The following NFIA variants were observed in gnomAD, a reference collection of about 807,000 sequenced individuals.
NFIA encodes the protein nuclear factor 1 A-type.
NFIA carries 8 observed loss-of-function variants against 62.8 expected under a neutral mutation model. The ratio of observed to expected loss-of-function variants is 0.13; its 90% CI spans 0.07 to 0.23. The LOEUF is 0.23. Ranked by LOEUF, NFIA falls within the 10% of genes least tolerant of loss-of-function variation. The probability of loss-of-function intolerance (pLI) is 1.00; values close to 1 mark genes in which losing one functional copy is unlikely to be tolerated. For synonymous variants in NFIA, 235 were observed against 238.1 expected (o/e 0.99, Z 0.12); for missense variants, 410 against 642.1 (o/e 0.64, Z 3.91).
At chr1:61,277,132 T>C (rs1373877201) in intron 2 of NFIA, among the ~76,000 whole-genome samples, 2 of 152,216 alleles carry the variant, frequency 1.3e-5, no homozygotes, top group South Asian at 4.1e-4. Context: ...TTTGACACTT[T>C]ATTATGTTCT....
intron 2 of NFIA, among the ~76,000 whole-genome samples, chr1:61,247,206 G>C (rs1431520598): frequency 6.6e-6 from 1 of 152,158 alleles, no homozygotes; most frequent in African/African-American, 2.4e-5. Flanking sequence ...ATCACAAAAA[G>C]AGTGTCAAGA....
intron 2 of NFIA, among the ~76,000 whole-genome samples, chr1:61,122,245 G>C (rs1173067345): frequency 1.3e-5 from 2 of 152,066 alleles, no homozygotes; most frequent in Non-Finnish European, 2.9e-5. Flanking sequence ...ATGCCTTTTA[G>C]TCTACTAATA....
At chr1:61,317,533 G>A (rs1421281394) in intron 3 of NFIA, among the ~76,000 whole-genome samples, 1 of 151,910 alleles carries the variant, frequency 6.6e-6, no homozygotes, top group East Asian at 1.9e-4. Context: ...TAGAGACTAA[G>A]TACTGTTATT....
chr1:61,440,542 A>G (rs1448210147), intron 10 of NFIA, among the ~76,000 whole-genome samples: 3 of 152,226 alleles, frequency 2.0e-5, no homozygotes, highest in African/African-American at 7.2e-5. Context: ...AGTGAGTGGC[A>G]CTACAGACCT....
chr1:61,397,391 A>G (rs1030446610), intron 7 of NFIA, among the ~76,000 whole-genome samples: 16 of 152,188 alleles, frequency 1.1e-4, no homozygotes, highest in African/African-American at 3.6e-4. Flanking sequence ...TATTTTATCA[A>G]TATTTATGTA....
intron 2 of NFIA, among the ~76,000 whole-genome samples, chr1:61,112,296 A>T (rs1278939914): frequency 1.3e-5 from 2 of 152,146 alleles, no homozygotes; most frequent in Non-Finnish European, 2.9e-5. Context: ...TTGAACACAC[A>T]CAACACTTTG....
At chr1:61,115,518 T>C (rs965931390) in intron 2 of NFIA, among the ~76,000 whole-genome samples, 1 of 152,200 alleles carries the variant, frequency 6.6e-6, no homozygotes, top group African/African-American at 2.4e-5. Flanking sequence ...GTGAAGGAGA[T>C]GACCTAAAGC....
At chr1:61,137,556 TA>T (rs1174593959) in intron 2 of NFIA, among the ~76,000 whole-genome samples, 9 of 152,222 alleles carry the variant, frequency 5.9e-5, no homozygotes, top group Non-Finnish European at 1.0e-4. Flanking sequence ...TATTTTGTGT[TA>T]TTTTTTTAAC....
chr1:61,425,870 A>G (rs528639848), intron 9 of NFIA, among the ~76,000 whole-genome samples: 2 of 152,342 alleles, frequency 1.3e-5, no homozygotes, highest in South Asian at 4.2e-4. Flanking sequence ...GTTAATATGA[A>G]AAGCATATTT....
chr1:61,358,880 C>G (rs1663128162), intron 5 of NFIA, among the ~76,000 whole-genome samples: 1 of 152,162 alleles, frequency 6.6e-6, no homozygotes, highest in Non-Finnish European at 1.5e-5. Context: ...CCGCTTATTC[C>G]TCAAAGGAAA....
intron 2 of NFIA, among the ~76,000 whole-genome samples, chr1:61,202,070 C>T (rs756352511): frequency 1.3e-5 from 2 of 152,152 alleles, no homozygotes; most frequent in African/African-American, 2.4e-5. Context: ...CATAACATTG[C>T]AAACTCATCC....
chr1:61,352,784 C>T lies in NFIA; in HGVS notation c.818+217C>T, dbSNP rs1362296888. On this transcript the variant is annotated intron_variant, in intron 5 of 10. Transcript: ENST00000403491. Reference sequence around the variant, plus strand: ...ACACACACACACACACACACACACACGCACACACACTAAAAAACTGTGAAC... The same window carrying T: ...ACACACACACACACACACACACACATGCACACACACTAAAAAACTGTGAAC... Among the ~76,000 whole-genome samples the T allele has an allele frequency of 8.0e-5, 12 of 150,056 alleles. No homozygotes were observed. In the South Asian group the frequency reaches 8.4e-4, roughly 11 times the overall value.
chr1:61,229,034 C>CA (rs1356314159), intron 2 of NFIA, among the ~76,000 whole-genome samples: 4 of 149,974 alleles, frequency 2.7e-5, no homozygotes, highest in African/African-American at 4.9e-5. Context: ...ATATATTGCC[C>CA]AAAAAAATAC....
chr1:61,144,660 G>A (rs1460188820), intron 2 of NFIA, among the ~76,000 whole-genome samples: 4 of 152,130 alleles, frequency 2.6e-5, no homozygotes, highest in African/African-American at 9.7e-5. Flanking sequence ...ACAGTAATAG[G>A]ACCATACCTC....
rs193034841 is a variant in NFIA, at chr1:61,299,409, T to C, written c.625+21824T>C. Among the ~76,000 whole-genome samples the C allele has an allele frequency of 7.2e-5, 11 of 152,334 alleles. No homozygotes were observed. The East Asian group carries it at 1.2e-3, about 16-fold the overall frequency. Reference sequence around the variant, plus strand: ...ACTTATGTTTCCAAAATGAGGCCACTACCTCTTTAATTTTTCTTTTTAATT... The same window carrying C: ...ACTTATGTTTCCAAAATGAGGCCACCACCTCTTTAATTTTTCTTTTTAATT... On this transcript the variant is annotated intron_variant, in intron 3 of 10. Coordinates refer to ENST00000403491, the MANE Select transcript of NFIA (RefSeq NM_001134673.4).
intron 2 of NFIA, among the ~76,000 whole-genome samples, chr1:61,190,763 A>G (rs971878890): frequency 2.6e-5 from 4 of 152,242 alleles, no homozygotes; most frequent in African/African-American, 9.6e-5. Flanking sequence ...ACTCTAGACC[A>G]TATTTGGTTA....
intron 6 of NFIA, among the ~76,000 whole-genome samples, chr1:61,370,903 C>G (rs1663848592): frequency 6.6e-6 from 1 of 151,950 alleles, no homozygotes; most frequent in South Asian, 2.1e-4. Flanking sequence ...TGGAAGTGCA[C>G]TCACGTCATT....
intron 10 of NFIA, among the ~76,000 whole-genome samples, chr1:61,428,358 C>T (rs1666957500): frequency 6.6e-6 from 1 of 151,604 alleles, no homozygotes; most frequent in Non-Finnish European, 1.5e-5. Flanking sequence ...GTCATGTAGG[C>T]CCAGTATTGG....
intron 2 of NFIA, among the ~76,000 whole-genome samples, chr1:61,143,834 T>C (rs1484418296): frequency 6.6e-6 from 1 of 151,932 alleles, no homozygotes; most frequent in Non-Finnish European, 1.5e-5. Context: ...ACCACCGAGG[T>C]TGAGAAAGGT....
Sources: allele counts gnomAD v4.1 joint callset (sites outside exome capture counted in the v4.1 genomes callset), GRCh38; gene constraint gnomAD v4.1.1; transcripts MANE v1.5; gene names NCBI Gene and HGNC (gene_info 2026-07-23, HGNC 2026-07-21).